Variants in RNF19A observed in about 807,000 individuals in gnomAD.
RNF19A encodes the protein ring finger protein 19A, RBR E3 ubiquitin protein ligase.
Under a neutral mutation model 75.7 loss-of-function variants are expected in RNF19A, and 32 were observed. The observed-to-expected ratio is 0.42, with a 90% CI of 0.32 to 0.57. RNF19A has a LOEUF of 0.57. Ranked by LOEUF, RNF19A falls within the 20% of genes least tolerant of loss-of-function variation. RNF19A has a pLI of 0.10. For missense variants in RNF19A, 782 were observed against 1,036.3 expected (o/e 0.75, Z 3.37); for synonymous variants, 335 against 345.2 (o/e 0.97, Z 0.33).
Position 100,332,859 on chromosome 8 carries a change from C to A in RNF19A, c.-243+3249G>T, listed in dbSNP as rs1289872154. Among the ~76,000 whole-genome samples, 1 of 152,096 alleles carries A rather than the reference C, an allele frequency of 6.6e-6. No homozygotes were observed. Among genetic ancestry groups the A allele is most frequent in the East Asian group, 1.9e-4 (1 of 5,196 alleles). On this transcript the variant is annotated intron_variant, in intron 1 of 3. Coordinates refer to the RNF19A transcript ENST00000519527. This position sits in a 1 kb window ranked among gnomAD's most constrained non-coding sequence, Gnocchi z 4.8. ...GGATGTTGACCATTATTGATTGGTACAAGCTGTTTATATTTTGTGGAAATT... is the reference window on the plus strand; with the variant it reads ...GGATGTTGACCATTATTGATTGGTAAAAGCTGTTTATATTTTGTGGAAATT...
chr8:100,305,081 G>A lies in RNF19A; in HGVS notation c.-94+4786C>T, dbSNP rs544219140. Among the ~76,000 whole-genome samples the A allele has an allele frequency of 1.9e-3, 287 of 152,204 alleles. 1 individual carries two copies. The highest frequency in any genetic ancestry group is 6.8e-3 in the Middle Eastern group (2 of 294). The stretch of plus-strand genomic sequence containing the variant: ...CTCCCTAGTAGCTGGCATGACAGGT[G>A]CCTGCCACCAAGCCCAGCAAATTTT... On this transcript the variant is annotated intron_variant, in intron 1 of 9. Transcript: ENST00000341084.
rs748105471 is a variant in RNF19A, at chr8:100,261,685, G to T, written c.1539C>A (p.Gly513=). The change falls in exon 8 of 10, where the codon GGC becomes GGA. Residue 513 remains glycine (G), a synonymous_variant. Coordinates refer to ENST00000341084, the MANE Select transcript of RNF19A (RefSeq NM_183419.4). This position sits in a 1 kb window ranked among gnomAD's most constrained non-coding sequence, Gnocchi z 4.4. The part of the protein sequence containing the change: ...IGEGSVGGLT[G]SLSASGSHMD... ...TGTGGCTTCCACTTGCACTCAAACT[G>T]CCAGTCAGCCCACCAACACTTCCCT... 1.2e-6 allele frequency: 2 copies of T among 1,614,052 alleles called. No individual in the cohort carries two copies. The highest frequency in any genetic ancestry group is 1.7e-6 in the Non-Finnish European group (2 of 1,180,010).
chr8:100,294,892 T>C (rs796999353), intron 1 of RNF19A, among the ~76,000 whole-genome samples: 2 of 152,332 alleles, frequency 1.3e-5, no homozygotes, highest in African/African-American at 4.8e-5. Context: ...CCTGGAACTG[T>C]AAGGTCTTCA....
chr8:100,296,207 C>T (rs1383486256), intron 1 of RNF19A, among the ~76,000 whole-genome samples: 5 of 152,196 alleles, frequency 3.3e-5, no homozygotes, highest in East Asian at 1.9e-4. Flanking sequence ...TGAGTTCAAG[C>T]GATTCTTGTG....
At chr8:100,294,759 G>A (rs1315467391) in intron 1 of RNF19A, among the ~76,000 whole-genome samples, 4 of 152,150 alleles carry the variant, frequency 2.6e-5, no homozygotes, top group Non-Finnish European at 4.4e-5. Flanking sequence ...TCTTGAATCT[G>A]TACAGGATGC....
intron 5 of RNF19A, among the ~76,000 whole-genome samples, chr8:100,267,137 A>G (rs1820021313): frequency 6.6e-6 from 1 of 152,222 alleles, no homozygotes; most frequent in South Asian, 2.1e-4. Context: ...TGGTTTCCCC[A>G]TGACTGAGTT....
chr8:100,263,046 T>TA (rs1388621467), intron 7 of RNF19A, among the ~76,000 whole-genome samples: 1 of 152,210 alleles, frequency 6.6e-6, no homozygotes, highest in Non-Finnish European at 1.5e-5. Flanking sequence ...AAATTCTTGT[T>TA]AGACACTCAA....
rs1430049366 is a variant in RNF19A, at chr8:100,261,183, C to A, written c.1682+359G>T. Among the ~76,000 whole-genome samples, 2 of 152,050 alleles carry A rather than the reference C, an allele frequency of 1.3e-5. No individual in the cohort carries two copies. Among genetic ancestry groups the A allele is most frequent in the African/African-American group, 4.8e-5 (2 of 41,404 alleles). On this transcript the variant is annotated intron_variant, in intron 8 of 9. Coordinates refer to ENST00000341084, the MANE Select transcript of RNF19A (RefSeq NM_183419.4). This position sits in a 1 kb window ranked among gnomAD's most constrained non-coding sequence, Gnocchi z 4.4. ...GATCTTGGCTGACTGCAGCCTCCAACTCCCAGGCTCAAGTGATCCTCCTAC... is the reference window on the plus strand; with the variant it reads ...GATCTTGGCTGACTGCAGCCTCCAAATCCCAGGCTCAAGTGATCCTCCTAC...
Position 100,330,870 on chromosome 8 carries a change from C to A in RNF19A, c.-243+5238G>T, listed in dbSNP as rs370420140. On this transcript the variant is annotated intron_variant, in intron 1 of 3. Coordinates refer to the RNF19A transcript ENST00000519527. The surrounding 1 kb of genome is among the most constrained non-coding windows in gnomAD (Gnocchi z 4.1). The stretch of plus-strand genomic sequence containing the variant: ...CTCTCTCCACAACCCTCTTGAGACT[C>A]TTGCTGTGTATACAGCATTAATGCG... 2.6e-5 allele frequency among the ~76,000 whole-genome samples: 4 copies of A among 152,376 alleles called. No homozygotes were observed. Among genetic ancestry groups the A allele is most frequent in the African/African-American group, 9.6e-5 (4 of 41,584 alleles).
intron 1 of RNF19A, among the ~76,000 whole-genome samples, chr8:100,300,914 C>G (rs1821793825): frequency 6.6e-6 from 1 of 152,152 alleles, no homozygotes; most frequent in Non-Finnish European, 1.5e-5. Flanking sequence ...AAAAACTAGT[C>G]ATGTAAAGGT....
chr8:100,291,830 T>C (rs1821307958), intron 1 of RNF19A, among the ~76,000 whole-genome samples: 1 of 152,228 alleles, frequency 6.6e-6, no homozygotes, highest in African/African-American at 2.4e-5. Context: ...GTAAGAGCAG[T>C]GTACCTATGT....
intron 1 of RNF19A, among the ~76,000 whole-genome samples, chr8:100,326,665 T>C (rs2130381617): frequency 6.6e-6 from 1 of 152,332 alleles, no homozygotes; most frequent in East Asian, 1.9e-4. Flanking sequence ...AGTTTCTCTA[T>C]CTTATTTCCT....
At chr8:100,307,092 G>A (rs777530863) in intron 1 of RNF19A, among the ~76,000 whole-genome samples, 3 of 152,164 alleles carry the variant, frequency 2.0e-5, no homozygotes, top group Non-Finnish European at 4.4e-5. Context: ...TTGGGCTTTT[G>A]CCCAAGGTGG....
In RNF19A at chr8:100,287,601, A is replaced by C. The variant is rs1357302787; in HGVS notation, c.574T>G (p.Leu192Val). The C allele has an allele frequency of 9.9e-6, 16 of 1,614,154 alleles. No individual in the cohort carries two copies. The highest frequency in any genetic ancestry group is 1.4e-5 in the Non-Finnish European group (16 of 1,179,984). The change falls in exon 2 of 10, where the codon TTA (leucine) becomes GTA (valine). Residue 192 changes from leucine to valine, a missense_variant. Around this residue, in one of 7 missense-constraint regions of RNF19A, gnomAD observed 85 missense variants for 177.7 expected, o/e 0.48. Coordinates refer to ENST00000341084, the MANE Select transcript of RNF19A (RefSeq NM_183419.4). This position sits in a 1 kb window ranked among gnomAD's most constrained non-coding sequence, Gnocchi z 4.1. The stretch of plus-strand genomic sequence containing the variant: ...TTTTCCATCAAGACATCATCACTTA[A>C]TATCAAGCGAATATCATGGGGATTA... ...RFNPHDIRLI[L>V]SDDVLMEKYE... is the part of the protein sequence containing the mutation.
chr8:100,288,847 T>C (rs1460774941), intron 1 of RNF19A, among the ~76,000 whole-genome samples: 1 of 151,862 alleles, frequency 6.6e-6, no homozygotes, highest in Non-Finnish European at 1.5e-5. Flanking sequence ...GATCACAAGT[T>C]CAGGAGATTG....
intron 2 of RNF19A, among the ~76,000 whole-genome samples, chr8:100,280,987 G>A (rs770720803): frequency 6.6e-6 from 1 of 152,110 alleles, no homozygotes; most frequent in Non-Finnish European, 1.5e-5. Context: ...AGTGTTATTT[G>A]GAAAAAGAAC....
rs984393239 is a variant in RNF19A, at chr8:100,261,105, T to C, written c.1682+437A>G. Among the ~76,000 whole-genome samples the C allele has an allele frequency of 3.3e-5, 5 of 150,238 alleles. No individual in the cohort carries two copies. In the East Asian group the frequency reaches 7.7e-4, roughly 23 times the overall value. ...TAGAAATCTACCACCAAATTTTTCT[T>C]TTTTTTTTTGAGACAGGGTCTCACT... On this transcript the variant is annotated intron_variant, in intron 8 of 9. Coordinates refer to ENST00000341084, the MANE Select transcript of RNF19A (RefSeq NM_183419.4). This position sits in a 1 kb window ranked among gnomAD's most constrained non-coding sequence, Gnocchi z 4.4.
At chr8:100,314,360 G>C (rs570898627), upstream of RNF19A, among the ~76,000 whole-genome samples, 17 of 151,988 alleles carry the variant, frequency 1.1e-4, no homozygotes, top group Non-Finnish European at 1.8e-4. The surrounding 1 kb of genome is among the most constrained non-coding windows in gnomAD (Gnocchi z 4.1). Flanking sequence ...AATCCCTAAA[G>C]CTCCCAAATT....
chr8:100,265,038 T>C (rs899827976), intron 5 of RNF19A, among the ~76,000 whole-genome samples: 4 of 152,194 alleles, frequency 2.6e-5, no homozygotes, highest in Non-Finnish European at 5.9e-5. Flanking sequence ...GTAAAAGTCA[T>C]CTTTATAATC....
Sources: allele counts gnomAD v4.1 joint callset (sites outside exome capture counted in the v4.1 genomes callset), GRCh38; gene constraint gnomAD v4.1.1; regional missense constraint gnomAD v4.1.1; non-coding constraint Gnocchi (gnomAD v3.1); transcripts MANE v1.5; gene names NCBI Gene and HGNC (gene_info 2026-07-23, HGNC 2026-07-21).